GSDME: variants seen among roughly 807,000 people sequenced by gnomAD.
GSDME encodes gasdermin-E.
In GSDME, 44 loss-of-function variants were observed where a neutral mutation model predicts 47.5. That is an observed-to-expected ratio of 0.93 (90% CI 0.73 to 1.19). The LOEUF is 1.19. GSDME is among the 50% of genes most tolerant of loss of function. The pLI, the probability that GSDME is intolerant of heterozygous loss-of-function variation, is 0.00. For missense variants in GSDME, 663 were observed against 604.2 expected (o/e 1.10, Z -1.02); for synonymous variants, 258 against 252.8 (o/e 1.02, Z -0.20).
At chr7:24,784,279 G>C in the GSDME span, among the ~76,000 whole-genome samples, 1 of 152,256 alleles carries the variant, frequency 6.6e-6, no homozygotes, top group East Asian at 1.9e-4. Flanking sequence ...AGAACTAATA[G>C]GCTATATATA....
intron 7 of GSDME, chr7:24,707,766 G>C: frequency 2.1e-6 from 1 of 468,510 alleles, no homozygotes; most frequent in Non-Finnish European, 3.8e-6. Context: ...AGGAACACTA[G>C]GAGCCATCCG....
At chr7:24,776,087 G>A in the GSDME span, among the ~76,000 whole-genome samples, 7 of 150,880 alleles carry the variant, frequency 4.6e-5, no homozygotes, top group African/African-American at 1.7e-4. Flanking sequence ...GGCTGAGGCA[G>A]GAGAATGGCT....
Position 24,710,211 on chromosome 7 carries a change from C to A in GSDME, c.862+13G>T, listed in dbSNP as rs781054851. The A allele has an allele frequency of 6.2e-7, 1 of 1,613,080 alleles. No homozygotes were observed. Among genetic ancestry groups the A allele is most frequent in the Non-Finnish European group, 8.5e-7 (1 of 1,179,990 alleles). On this transcript the variant is annotated intron_variant, in intron 6 of 9. Coordinates refer to ENST00000645220, the MANE Select transcript of GSDME (RefSeq NM_001127453.2). ...CCCTCAACTGCCCACTACTCCTGCC[C>A]TGCTGGCAATACCTTGCTTTAAAAC...
chr7:24,753,344 C>G (rs1297358806), intron 1 of GSDME, among the ~76,000 whole-genome samples: 2 of 152,220 alleles, frequency 1.3e-5, no homozygotes, highest in African/African-American at 4.8e-5. Flanking sequence ...CTGAACACTG[C>G]TCAGCATCTT....
the GSDME span, among the ~76,000 whole-genome samples, chr7:24,787,613 G>A: frequency 6.6e-6 from 1 of 152,056 alleles, no homozygotes; most frequent in Admixed American, 6.5e-5. This position sits in a 1 kb window ranked among gnomAD's most constrained non-coding sequence, Gnocchi z 5.0. Flanking sequence ...TAATAAAGAA[G>A]ACAGCATGCT....
intron 3 of GSDME, among the ~76,000 whole-genome samples, chr7:24,729,659 C>T (rs2237318): frequency 0.44 from 66,583 of 152,056 alleles, 16,404 homozygotes; most frequent in East Asian, 0.83. Context: ...CAGACAAGGA[C>T]TGGAGGTAGA....
the GSDME span, among the ~76,000 whole-genome samples, chr7:24,773,578 G>C: frequency 6.6e-6 from 1 of 152,062 alleles, no homozygotes. This position sits in a 1 kb window ranked among gnomAD's most constrained non-coding sequence, Gnocchi z 5.4. Context: ...CAGATCTAAC[G>C]AATTTTTAAG....
rs569930656 is a variant in GSDME at position 24,705,920 on chromosome 7, C to T, written c.1183+264G>A. On this transcript the variant is annotated intron_variant, in intron 8 of 9. Coordinates refer to ENST00000645220, the MANE Select transcript of GSDME (RefSeq NM_001127453.2). The surrounding 1 kb of genome is among the most constrained non-coding windows in gnomAD (Gnocchi z 4.1). ...TTGCTTTTGTAGGCAAAGGGGCACCCACTGTGGCCTTCCCTGGGGGAGGAG... is the reference window on the plus strand; with the variant it reads ...TTGCTTTTGTAGGCAAAGGGGCACCTACTGTGGCCTTCCCTGGGGGAGGAG... 512 of 541,324 alleles carry T rather than the reference C, an allele frequency of 9.5e-4. 1 individual carries two copies. Among genetic ancestry groups the T allele is most frequent in the South Asian group, 5.1e-3 (254 of 49,974 alleles). The allele number at this position is 541,324 out of a possible 1,614,324, so 33.5% of individuals were successfully genotyped here.
Position 24,721,834 on chromosome 7 carries a change from C to G in GSDME, c.405-2616G>C, listed in dbSNP as rs1334176033. Among the ~76,000 whole-genome samples, 1 of 152,184 alleles carries G rather than the reference C, an allele frequency of 6.6e-6. No homozygotes were observed. Among genetic ancestry groups the G allele is most frequent in the African/African-American group, 2.4e-5 (1 of 41,438 alleles). ...GGCCCCATGTGATCTGCCCTGCCCC[C>G]TGTTGACTTTATCTTCCAGCCTTCT... On this transcript the variant is annotated intron_variant, in intron 3 of 9. Coordinates refer to ENST00000645220, the MANE Select transcript of GSDME (RefSeq NM_001127453.2). This position sits in a 1 kb window ranked among gnomAD's most constrained non-coding sequence, Gnocchi z 4.1.
rs192296382 is a variant in GSDME at position 24,728,884 on chromosome 7, G to C, written c.405-9666C>G. Among the ~76,000 whole-genome samples, 30 of 152,300 alleles carry C rather than the reference G, an allele frequency of 2.0e-4. No homozygotes were observed. In the East Asian group the frequency reaches 5.6e-3, roughly 28 times the overall value. On this transcript the variant is annotated intron_variant, in intron 3 of 9. Transcript: ENST00000645220. The surrounding 1 kb of genome is among the most constrained non-coding windows in gnomAD (Gnocchi z 7.2). Reference sequence around the variant, plus strand: ...GATAAGCCCTGCTCTTTCTCTCTCTGTCACTTGGCTGTAATGTAGATGACT... The same window carrying C: ...GATAAGCCCTGCTCTTTCTCTCTCTCTCACTTGGCTGTAATGTAGATGACT...
intron 5 of GSDME, among the ~76,000 whole-genome samples, chr7:24,713,253 A>T (rs1371763559): frequency 1.3e-5 from 2 of 152,060 alleles, no homozygotes; most frequent in Non-Finnish European, 2.9e-5. Flanking sequence ...CTGTGTCGGG[A>T]GACACGGCTG....
At chr7:24,700,794 A>T (rs6972106) in intron 9 of GSDME, among the ~76,000 whole-genome samples, 10,408 of 152,282 alleles carry the variant, frequency 0.068, 441 homozygotes, top group African/African-American at 0.11. Context: ...ACCCCAGTGA[A>T]TTAAGGAGGA....
intron 1 of GSDME, 139 bp from the exon 2 acceptor site, chr7:24,749,932 A>C: frequency 1.6e-6 from 1 of 633,202 alleles, no homozygotes; most frequent in Non-Finnish European, 2.7e-6. Context: ...CTCTAGTTTG[A>C]CTTTAGCTGA....
rs1790170816 is a variant in GSDME at position 24,732,288 on chromosome 7, A to G, written c.404+12274T>C. On this transcript the variant is annotated intron_variant, in intron 3 of 9. Transcript: ENST00000645220. This position sits in a 1 kb window ranked among gnomAD's most constrained non-coding sequence, Gnocchi z 4.8. Reference sequence around the variant, plus strand: ...ATCAGGTAGGAAGGAAGCCCAGTTCAAACTTTGTTTTTTCCAAGAAAGACA... The same window carrying G: ...ATCAGGTAGGAAGGAAGCCCAGTTCGAACTTTGTTTTTTCCAAGAAAGACA... Among the ~76,000 whole-genome samples the G allele has an allele frequency of 6.6e-6, 1 of 152,244 alleles. No homozygotes were observed. The highest frequency in any genetic ancestry group is 1.5e-5 in the Non-Finnish European group (1 of 68,044).
chr7:24,706,260 A>G lies in GSDME; in HGVS notation c.1107T>C (p.Gly369=). 1 of 1,614,066 alleles carries G rather than the reference A, an allele frequency of 6.2e-7. No homozygotes were observed. Among genetic ancestry groups the G allele is most frequent in the Non-Finnish European group, 8.5e-7 (1 of 1,180,020 alleles). The change falls in exon 8 of 10, where the codon GGT becomes GGC. Residue 369 remains glycine (G), a synonymous_variant. Coordinates refer to ENST00000645220, the MANE Select transcript of GSDME (RefSeq NM_001127453.2). The part of the protein sequence containing the change: ...FLQLVGCSLQ[G]GCPGPEDAGS... ...CTGCATCCTCGGGGCCCGGACACCC[A>G]CCCTGTAAGCTGCACCCCACCAGCT... is the stretch of plus-strand genomic sequence containing the variant.
the GSDME span, among the ~76,000 whole-genome samples, chr7:24,766,874 G>A: frequency 2.6e-4 from 39 of 152,152 alleles, no homozygotes; most frequent in Non-Finnish European, 5.4e-4. The surrounding 1 kb of genome is among the most constrained non-coding windows in gnomAD (Gnocchi z 4.2). Flanking sequence ...TTGAGGAATT[G>A]CCACACTGTC....
the GSDME span, among the ~76,000 whole-genome samples, chr7:24,793,307 T>A: frequency 3.9e-5 from 6 of 152,250 alleles, no homozygotes; most frequent in Non-Finnish European, 8.8e-5. Flanking sequence ...GTGGTGTTTT[T>A]ACTTTAATGT....
the GSDME span, among the ~76,000 whole-genome samples, chr7:24,792,108 A>G: frequency 1.3e-5 from 2 of 152,274 alleles, no homozygotes; most frequent in Admixed American, 1.3e-4. Flanking sequence ...GTGCACAAGC[A>G]TAACAATTGC....
At chr7:24,706,976 C>A (rs1330212452) in intron 7 of GSDME, among the ~76,000 whole-genome samples, 4 of 152,234 alleles carry the variant, frequency 2.6e-5, no homozygotes, top group African/African-American at 9.6e-5. Flanking sequence ...GCTCTCTCCA[C>A]AGGGTGCTGG....
Sources: allele counts gnomAD v4.1 joint callset (sites outside exome capture counted in the v4.1 genomes callset), GRCh38; gene constraint gnomAD v4.1.1; non-coding constraint Gnocchi (gnomAD v3.1); transcripts MANE v1.5; gene names NCBI Gene and HGNC (gene_info 2026-07-23, HGNC 2026-07-21).